The following LRP6 variants were observed in gnomAD, a reference collection of about 807,000 sequenced individuals.
The protein encoded by LRP6 is LDL receptor related protein 6.
Under a neutral mutation model 184.1 loss-of-function variants are expected in LRP6, and 43 were observed. The ratio of observed to expected loss-of-function variants is 0.23; its 90% CI spans 0.18 to 0.30. The LOEUF (loss-of-function observed/expected upper bound fraction) is 0.30, where lower values mean the gene tolerates loss of function less well. Ranked by LOEUF, LRP6 falls within the 10% of genes least tolerant of loss-of-function variation. The pLI is 1.00. For missense variants in LRP6, 1,571 were observed against 2,005.3 expected (o/e 0.78, Z 4.14); for synonymous variants, 719 against 684.9 (o/e 1.05, Z -0.78).
intron 3 of LRP6, among the ~76,000 whole-genome samples, chr12:12,194,804 G>A (rs927421487): frequency 5.9e-5 from 9 of 152,024 alleles, no homozygotes; most frequent in African/African-American, 1.7e-4. Context: ...CAGTGGTATA[G>A]AATACTCAAG....
At chr12:12,169,654 A>G (rs1232468447) in intron 7 of LRP6, among the ~76,000 whole-genome samples, 1 of 152,240 alleles carries the variant, frequency 6.6e-6, no homozygotes, top group African/African-American at 2.4e-5. Context: ...AAGAACTCAA[A>G]ATAGTTCCTG....
intron 7 of LRP6, among the ~76,000 whole-genome samples, chr12:12,177,245 G>C (rs17819999): frequency 1.3e-5 from 2 of 151,922 alleles, no homozygotes; most frequent in African/African-American, 2.4e-5. Context: ...TTTCATTCTC[G>C]GGCATGACAA....
At chr12:12,257,856 A>C (rs909060692) in intron 1 of LRP6, among the ~76,000 whole-genome samples, 2 of 145,908 alleles carry the variant, frequency 1.4e-5, no homozygotes, top group Admixed American at 7.2e-5. Flanking sequence ...AGTCCCAGCT[A>C]CTCTGGAAGC....
intron 2 of LRP6, among the ~76,000 whole-genome samples, chr12:12,236,334 C>A (rs1467094417): frequency 1.3e-5 from 2 of 152,150 alleles, no homozygotes; most frequent in Non-Finnish European, 2.9e-5. Flanking sequence ...ACAATTTGAG[C>A]AAGAAAATCA....
intron 22 of LRP6, among the ~76,000 whole-genome samples, chr12:12,124,280 G>A (rs1949642184): frequency 6.6e-6 from 1 of 152,192 alleles, no homozygotes; most frequent in South Asian, 2.1e-4. Context: ...GGCTGAGGCA[G>A]GAGAATCGCT....
At chr12:12,181,859 T>C (rs1306448565) in intron 5 of LRP6, among the ~76,000 whole-genome samples, 2 of 152,218 alleles carry the variant, frequency 1.3e-5, no homozygotes, top group Non-Finnish European at 2.9e-5. Flanking sequence ...TTGATAGGAA[T>C]GTTCTAAAAT....
chr12:12,251,621 A>G (rs187580592), intron 1 of LRP6, among the ~76,000 whole-genome samples: 42 of 149,404 alleles, frequency 2.8e-4, no homozygotes, highest in Admixed American at 2.5e-3. Flanking sequence ...ACCCACCTCG[A>G]CCTCCCAAAG....
intron 10 of LRP6, among the ~76,000 whole-genome samples, chr12:12,160,552 C>T (rs1276042818): frequency 1.3e-5 from 2 of 152,212 alleles, no homozygotes; most frequent in Non-Finnish European, 2.9e-5. Context: ...AACAACGACT[C>T]ACCCCTTGAT....
chr12:12,167,539 A>T (rs537580996), intron 7 of LRP6, among the ~76,000 whole-genome samples: 1 of 151,944 alleles, frequency 6.6e-6, no homozygotes, highest in Non-Finnish European at 1.5e-5. Flanking sequence ...GCTACTCGGG[A>T]GGCTGAGGCA....
At chr12:12,122,727 G>T (rs1449995116) in intron 22 of LRP6, among the ~76,000 whole-genome samples, 1 of 152,136 alleles carries the variant, frequency 6.6e-6, no homozygotes, top group Non-Finnish European at 1.5e-5. Context: ...AGCTACTTGG[G>T]TGGCTGAAGC....
chr12:12,189,313 C>G (rs1001875123), intron 3 of LRP6, among the ~76,000 whole-genome samples: 2 of 152,168 alleles, frequency 1.3e-5, no homozygotes, highest in Non-Finnish European at 2.9e-5. Context: ...ACGCAAAAGC[C>G]ATTCAGCACT....
intron 4 of LRP6, among the ~76,000 whole-genome samples, chr12:12,186,471 C>T (rs1195658787): frequency 6.6e-6 from 1 of 151,928 alleles, no homozygotes; most frequent in Non-Finnish European, 1.5e-5. Context: ...CTCCACCTTC[C>T]GGGTTCAAGT....
chr12:12,180,933 G>C (rs1166503505), intron 6 of LRP6, 110 bp downstream of exon 6: 2 of 1,124,758 alleles, frequency 1.8e-6, no homozygotes, highest in Non-Finnish European at 2.7e-6. Flanking sequence ...CCATTAAAGA[G>C]CTGTTTACTG....
rs1416502560 is a variant in LRP6, at chr12:12,266,860, GAAGA to G, written c.-129_-126del. 3.1e-5 allele frequency: 26 copies of G among 842,568 alleles called. No homozygotes were observed. The highest frequency in any genetic ancestry group is 1.4e-4 in the South Asian group (10 of 69,900). The allele number at this position is 842,568 out of a possible 1,614,324, so 52.2% of individuals were successfully genotyped here. The stretch of plus-strand genomic sequence containing the variant: ...CATACTTCCCAGCTTCCCAGCGAGA[GAAGA>G]AAGAAAGGGGCACGTCAAGGTTCCG... On this transcript the variant is annotated 5_prime_UTR_variant, in exon 1 of 23. Transcript: ENST00000261349.
At chr12:12,204,459 G>A (rs925945104) in intron 2 of LRP6, among the ~76,000 whole-genome samples, 1 of 151,980 alleles carries the variant, frequency 6.6e-6, no homozygotes, top group Admixed American at 6.6e-5. Context: ...GCATAGTACT[G>A]TACTAATGTT....
intron 22 of LRP6, among the ~76,000 whole-genome samples, chr12:12,122,656 C>A (rs1949620358): frequency 6.6e-6 from 1 of 151,770 alleles, no homozygotes; most frequent in African/African-American, 2.4e-5. Flanking sequence ...ATAGCAAGAC[C>A]CCGTCTCTAC....
At chr12:12,155,987 AC>A (rs368719201) in intron 12 of LRP6, among the ~76,000 whole-genome samples, 1 of 152,188 alleles carries the variant, frequency 6.6e-6, no homozygotes, top group African/African-American at 2.4e-5. Context: ...AATGAAGAAA[AC>A]AGAAAAAAAA....
At chr12:12,122,937 T>A (rs1022268125) in intron 22 of LRP6, among the ~76,000 whole-genome samples, 12 of 152,138 alleles carry the variant, frequency 7.9e-5, no homozygotes, top group African/African-American at 2.9e-4. Context: ...AATACTGACA[T>A]GATGTCACAG....
At chr12:12,251,252 G>A (rs912409559) in intron 1 of LRP6, among the ~76,000 whole-genome samples, 4 of 152,056 alleles carry the variant, frequency 2.6e-5, no homozygotes, top group African/African-American at 9.7e-5. Context: ...AAGATTTGAC[G>A]GGTTTATTTG....
Sources: gnomAD v4.1 joint callset for allele counts (sites outside exome capture counted in the v4.1 genomes callset) on GRCh38, gnomAD v4.1.1 for gene constraint, MANE v1.5 for transcripts, NCBI Gene and HGNC (gene_info 2026-07-23, HGNC 2026-07-21) for gene names.